PPFIA2: variants seen among roughly 807,000 people sequenced by gnomAD.
The protein encoded by PPFIA2 is liprin-alpha-2.
In PPFIA2, 46 loss-of-function variants were observed where a neutral mutation model predicts 175.5. The ratio of observed to expected loss-of-function variants is 0.26; its 90% CI spans 0.21 to 0.34. PPFIA2 has a LOEUF of 0.34. Ranked by LOEUF, PPFIA2 falls within the 10% of genes least tolerant of loss-of-function variation. The pLI is 1.00. For missense variants in PPFIA2, 1,179 were observed against 1,506.1 expected, an observed-to-expected ratio of 0.78 and a Z score of 3.60; for synonymous variants, 568 against 511.4, an observed-to-expected ratio of 1.11 and a Z score of -1.49.
intron 4 of PPFIA2, among the ~76,000 whole-genome samples, chr12:81,498,946 T>C (rs2060306537): frequency 6.6e-6 from 1 of 152,170 alleles, no homozygotes; most frequent in African/African-American, 2.4e-5. Context: ...AAAATGCATG[T>C]TTCCCATTGA....
At chr12:81,333,317 T>C (rs2056491852) in intron 21 of PPFIA2, among the ~76,000 whole-genome samples, 1 of 152,204 alleles carries the variant, frequency 6.6e-6, no homozygotes, top group Non-Finnish European at 1.5e-5. Flanking sequence ...ATAGCTCTTA[T>C]ACAGAACAAC....
At chr12:81,435,934 A>T (rs1313165516) in intron 7 of PPFIA2, among the ~76,000 whole-genome samples, 1 of 152,118 alleles carries the variant, frequency 6.6e-6, no homozygotes, top group East Asian at 1.9e-4. Context: ...GAAAACAAAT[A>T]GATTTGAATG....
At chr12:81,642,656 ATCTATTATATACATACATGTATGTATC>A (rs2065166340) in intron 4 of PPFIA2, among the ~76,000 whole-genome samples, 5 of 114,356 alleles carry the variant, frequency 4.4e-5, no homozygotes, top group African/African-American at 1.5e-4. Context: ...ACATGTATGT[ATCTATTATATACATACATGTATGTATC>A]TATTATATAC....
chr12:81,696,199 G>A (rs550033368), intron 3 of PPFIA2, among the ~76,000 whole-genome samples: 2 of 152,280 alleles, frequency 1.3e-5, no homozygotes, highest in African/African-American at 4.8e-5. Context: ...GAAGGTAAAT[G>A]TGTACACACA....
chr12:81,450,532 G>C (rs1481164221), intron 5 of PPFIA2, among the ~76,000 whole-genome samples: 2 of 152,062 alleles, frequency 1.3e-5, no homozygotes, highest in Non-Finnish European at 2.9e-5. Flanking sequence ...GTAGATTCTG[G>C]ATATTAGCCC....
At chr12:81,569,764 G>T (rs2072122385) in intron 4 of PPFIA2, among the ~76,000 whole-genome samples, 1 of 152,102 alleles carries the variant, frequency 6.6e-6, no homozygotes, top group African/African-American at 2.4e-5. Context: ...ACTGCAAAGA[G>T]CTTTATTTAT....
At chr12:81,719,035 A>G (rs969712133) in intron 3 of PPFIA2, among the ~76,000 whole-genome samples, 2 of 151,712 alleles carry the variant, frequency 1.3e-5, no homozygotes, top group African/African-American at 2.4e-5. Context: ...GTTTAAATTG[A>G]CAAATAAAGA....
At chr12:81,543,722 C>G (rs987868939) in intron 4 of PPFIA2, among the ~76,000 whole-genome samples, 2 of 152,026 alleles carry the variant, frequency 1.3e-5, no homozygotes, top group African/African-American at 4.8e-5. Flanking sequence ...AGAAACCCGA[C>G]AAACAATTCC....
At chr12:81,446,321 A>G (rs991434654) in intron 5 of PPFIA2, among the ~76,000 whole-genome samples, 3 of 152,202 alleles carry the variant, frequency 2.0e-5, no homozygotes, top group African/African-American at 7.2e-5. Context: ...TGCCTGTGTT[A>G]GAATCTATGA....
At chr12:81,561,331 A>G (rs920326303) in intron 4 of PPFIA2, among the ~76,000 whole-genome samples, 1 of 152,310 alleles carries the variant, frequency 6.6e-6, no homozygotes, top group Non-Finnish European at 1.5e-5. Context: ...AATAATTTAG[A>G]AAAACAATTT....
intron 8 of PPFIA2, among the ~76,000 whole-genome samples, chr12:81,397,689 G>A (rs1390099013): frequency 6.6e-6 from 1 of 151,954 alleles, no homozygotes; most frequent in Non-Finnish European, 1.5e-5. Flanking sequence ...GTCGACCAGG[G>A]GTGCCCACGT....
intron 27 of PPFIA2, among the ~76,000 whole-genome samples, chr12:81,277,959 T>C (rs887724147): frequency 6.6e-6 from 1 of 152,032 alleles, no homozygotes; most frequent in Non-Finnish European, 1.5e-5. Flanking sequence ...AAAGGATATG[T>C]GGAATGAGCA....
chr12:81,580,881 T>G (rs2074301170), intron 4 of PPFIA2, among the ~76,000 whole-genome samples: 1 of 151,864 alleles, frequency 6.6e-6, no homozygotes, highest in African/African-American at 2.4e-5. Context: ...TTTTTTTCCT[T>G]AAGGAACTCA....
At chr12:81,401,888 C>A (rs1490797695) in intron 8 of PPFIA2, among the ~76,000 whole-genome samples, 5 of 152,154 alleles carry the variant, frequency 3.3e-5, no homozygotes, top group Non-Finnish European at 7.3e-5. Context: ...TCTTCTCAAT[C>A]AGTTAAATTT....
intron 16 of PPFIA2, among the ~76,000 whole-genome samples, chr12:81,354,694 A>T (rs1036436331): frequency 6.6e-5 from 10 of 151,462 alleles, no homozygotes; most frequent in African/African-American, 2.2e-4. Flanking sequence ...CCCAGGCTGG[A>T]GGGCAGCGGC....
chr12:81,591,578 TACA>T (rs2058677616), intron 4 of PPFIA2, among the ~76,000 whole-genome samples: 1 of 152,122 alleles, frequency 6.6e-6, no homozygotes, highest in African/African-American at 2.4e-5. Context: ...TTCTGCTATG[TACA>T]GTCTAGGGAC....
chr12:81,656,703 A>C (rs2067847332), intron 4 of PPFIA2, among the ~76,000 whole-genome samples: 2 of 152,054 alleles, frequency 1.3e-5, no homozygotes, highest in African/African-American at 4.8e-5. Context: ...GAATATCCAG[A>C]GAATTTATTA....
chr12:81,426,058 G>A (rs1198739447), intron 7 of PPFIA2, among the ~76,000 whole-genome samples: 1 of 152,134 alleles, frequency 6.6e-6, no homozygotes, highest in African/African-American at 2.4e-5. Context: ...TGATAATCCA[G>A]CTTGAGGGAC....
intron 4 of PPFIA2, among the ~76,000 whole-genome samples, chr12:81,553,075 C>T (rs1319034434): frequency 1.3e-5 from 2 of 151,778 alleles, no homozygotes; most frequent in African/African-American, 2.4e-5. Flanking sequence ...TGTGGTATGA[C>T]AGGAACACAT....
Sources: gnomAD v4.1 joint callset for allele counts (sites outside exome capture counted in the v4.1 genomes callset) on GRCh38, gnomAD v4.1.1 for gene constraint, MANE v1.5 for transcripts, NCBI Gene and HGNC (gene_info 2026-07-23, HGNC 2026-07-21) for gene names.